The following RAD51B variants were observed in gnomAD, a reference collection of about 807,000 sequenced individuals.
RAD51B encodes RAD51 paralog B.
In RAD51B, 38 loss-of-function variants were observed where a neutral mutation model predicts 42.2. That is an observed-to-expected ratio of 0.90 (90% confidence interval 0.70 to 1.18). RAD51B has a LOEUF of 1.18. RAD51B is among the 50% of genes most tolerant of loss of function. The pLI is 0.00. For synonymous variants in RAD51B, 154 were observed against 145.2 expected (o/e 1.06, Z -0.43); for missense variants, 373 against 400.7 (o/e 0.93, Z 0.59).
At chr14:68,545,396 C>T (rs1888169156) in intron 10 of RAD51B, among the ~76,000 whole-genome samples, 1 of 152,268 alleles carries the variant, frequency 6.6e-6, no homozygotes, top group Admixed American at 6.5e-5. Flanking sequence ...ACAACACTCA[C>T]TTCCCCTTGC....
intron 11 of RAD51B, among the ~76,000 whole-genome samples, chr14:68,672,444 G>A (rs1893178394): frequency 6.6e-6 from 1 of 152,236 alleles, no homozygotes; most frequent in South Asian, 2.1e-4. Context: ...TGGTAAAGGA[G>A]CTGGGGTTTG....
intron 7 of RAD51B, among the ~76,000 whole-genome samples, chr14:68,103,047 C>T (rs1413660943): frequency 2.0e-5 from 3 of 152,100 alleles, no homozygotes; most frequent in African/African-American, 7.2e-5. Flanking sequence ...ATCAGAAGAA[C>T]AGCATGGGGG....
chr14:68,279,627 A>G (rs987379737), intron 7 of RAD51B, among the ~76,000 whole-genome samples: 2 of 152,260 alleles, frequency 1.3e-5, no homozygotes, highest in African/African-American at 4.8e-5. Flanking sequence ...TTATAGAGGT[A>G]CTAATATACT....
At chr14:67,898,920 G>A (rs2043514490) in intron 7 of RAD51B, among the ~76,000 whole-genome samples, 2 of 151,972 alleles carry the variant, frequency 1.3e-5, no homozygotes, top group Admixed American at 6.5e-5. Context: ...GTAAATTAGA[G>A]GATATTAAAA....
chr14:68,117,930 A>G (rs1280559709), intron 7 of RAD51B, among the ~76,000 whole-genome samples: 1 of 152,222 alleles, frequency 6.6e-6, no homozygotes, highest in African/African-American at 2.4e-5. Flanking sequence ...AGAAGAAAAC[A>G]GTCTCACATT....
At chr14:68,661,478 G>A (rs10135342) in intron 11 of RAD51B, among the ~76,000 whole-genome samples, 31,844 of 152,090 alleles carry the variant, frequency 0.21, 3,483 homozygotes, top group Admixed American at 0.24. Flanking sequence ...TTCAATCCCA[G>A]ATCTGCCAGA....
chr14:68,677,998 G>C (rs1426932720), intron 11 of RAD51B, among the ~76,000 whole-genome samples: 1 of 152,178 alleles, frequency 6.6e-6, no homozygotes, highest in African/African-American at 2.4e-5. Flanking sequence ...TCCCGTGCCA[G>C]GCTCCGTGCT....
chr14:68,057,821 T>TTGTGTGTG lies in RAD51B; in HGVS notation c.756+170647_756+170654dup, dbSNP rs140213534. Among the ~76,000 whole-genome samples, 1,250 of 138,664 alleles carry TTGTGTGTG rather than the reference T, an allele frequency of 9.0e-3. 13 individuals carry two copies. Among genetic ancestry groups the TTGTGTGTG allele is most frequent in the African/African-American group, 0.03 (1,139 of 38,138 alleles). The allele number at this position is 138,664 out of a possible 152,430, so 91.0% of individuals were successfully genotyped here. ...AATGTGACTGTAACCTTTTAGTTCT[T>TTGTGTGTG]TGTGTGTGTGTGTGTGTGTGTGTGT... On this transcript the variant is annotated intron_variant, in intron 7 of 10. Coordinates refer to ENST00000471583, the MANE Select transcript of RAD51B (RefSeq NM_133510.4).
At chr14:68,188,802 G>T (rs901941301) in intron 7 of RAD51B, among the ~76,000 whole-genome samples, 2 of 152,102 alleles carry the variant, frequency 1.3e-5, no homozygotes, top group African/African-American at 4.8e-5. Context: ...CTCTTAGTTT[G>T]TAAGATTTTC....
intron 7 of RAD51B, among the ~76,000 whole-genome samples, chr14:67,910,476 T>C (rs1272855581): frequency 7.1e-6 from 1 of 141,666 alleles, no homozygotes; most frequent in Non-Finnish European, 1.6e-5. Flanking sequence ...ACTGAAGAAA[T>C]TGTAAAAGTG....
Position 68,495,354 on chromosome 14 carries a change from C to T in RAD51B, c.1036+27104C>T, listed in dbSNP as rs78355765. 4.2e-3 allele frequency among the ~76,000 whole-genome samples: 643 copies of T among 152,192 alleles called. 2 individuals carry two copies. The highest frequency in any genetic ancestry group is 0.014 in the African/African-American group (591 of 41,516). On this transcript the variant is annotated intron_variant, in intron 10 of 10. Transcript: ENST00000487270. ...TGGCGCAACCGAGAGAGGATTCCTC[C>T]GAGCCCCTTTGCTTTTGGCTTTGAA...
At chr14:68,465,141 ATACT>A (rs1355762675) in intron 9 of RAD51B, among the ~76,000 whole-genome samples, 1 of 152,144 alleles carries the variant, frequency 6.6e-6, no homozygotes, top group Non-Finnish European at 1.5e-5. Context: ...ATATAGCATG[ATACT>A]TTATTTATTG....
chr14:68,487,851 C>T (rs1262949156), intron 10 of RAD51B, among the ~76,000 whole-genome samples: 1 of 152,166 alleles, frequency 6.6e-6, no homozygotes, highest in Non-Finnish European at 1.5e-5. Flanking sequence ...AATACAATCT[C>T]ACTGGAGGTT....
At chr14:68,385,434 T>G (rs906386212) in intron 8 of RAD51B, among the ~76,000 whole-genome samples, 4 of 152,194 alleles carry the variant, frequency 2.6e-5, no homozygotes, top group Non-Finnish European at 1.5e-5. Flanking sequence ...CTTGGAAGTT[T>G]GATGGCACTG....
chr14:68,620,482 T>C (rs1422248712), intron 10 of RAD51B, among the ~76,000 whole-genome samples: 1 of 152,216 alleles, frequency 6.6e-6, no homozygotes, highest in African/African-American at 2.4e-5. Context: ...GCTGCTCACA[T>C]TATTGGTTCA....
intron 10 of RAD51B, among the ~76,000 whole-genome samples, chr14:68,537,785 C>T (rs911142055): frequency 7.9e-5 from 12 of 151,698 alleles, no homozygotes; most frequent in Non-Finnish European, 1.3e-4. Flanking sequence ...TTTTCTTAAT[C>T]GACCTTTTCA....
At chr14:68,342,061 T>G (rs2082582358) in intron 8 of RAD51B, among the ~76,000 whole-genome samples, 1 of 152,208 alleles carries the variant, frequency 6.6e-6, no homozygotes, top group Non-Finnish European at 1.5e-5. Context: ...AATTAGTACT[T>G]CCTGTTTGCT....
chr14:67,854,745 T>C (rs1317520661), intron 4 of RAD51B, among the ~76,000 whole-genome samples: 1 of 151,968 alleles, frequency 6.6e-6, no homozygotes, highest in Non-Finnish European at 1.5e-5. Flanking sequence ...GAAGGATCGC[T>C]TGAGGCCAGG....
intron 7 of RAD51B, among the ~76,000 whole-genome samples, chr14:67,889,881 G>A (rs891014869): frequency 5.3e-5 from 8 of 152,104 alleles, no homozygotes; most frequent in Non-Finnish European, 1.0e-4. Flanking sequence ...AGACCTTTGA[G>A]TATGTTCAGA....
Sources: allele counts gnomAD v4.1 joint callset (sites outside exome capture counted in the v4.1 genomes callset), GRCh38; gene constraint gnomAD v4.1.1; transcripts MANE v1.5; gene names NCBI Gene and HGNC (gene_info 2026-07-23, HGNC 2026-07-21).